Variants in SLCO3A1 observed in about 807,000 individuals in gnomAD.
The protein encoded by SLCO3A1 is solute carrier organic anion transporter family member 3A1.
In SLCO3A1, 27 loss-of-function variants were observed where a neutral mutation model predicts 63.1. The observed-to-expected ratio is 0.43, with a 90% CI of 0.32 to 0.59. The LOEUF is 0.59. Ranked by LOEUF, SLCO3A1 falls within the 20% of genes least tolerant of loss-of-function variation. The pLI is 0.09. For missense variants in SLCO3A1, 773 were observed against 945.8 expected, an observed-to-expected ratio of 0.82 and a Z score of 2.40; for synonymous variants, 473 against 409.9, an observed-to-expected ratio of 1.15 and a Z score of -1.86.
intron 2 of SLCO3A1, among the ~76,000 whole-genome samples, chr15:92,071,799 T>C (rs1178371060): frequency 6.6e-6 from 1 of 152,238 alleles, no homozygotes; most frequent in Non-Finnish European, 1.5e-5. Context: ...ATCCAAAGAC[T>C]GATCACAGGC....
chr15:92,096,270 G>T (rs2047538028), intron 3 of SLCO3A1, among the ~76,000 whole-genome samples: 1 of 152,190 alleles, frequency 6.6e-6, no homozygotes, highest in Non-Finnish European at 1.5e-5. Context: ...GTGAGAGAGA[G>T]CACCTGAGGC....
intron 2 of SLCO3A1, among the ~76,000 whole-genome samples, chr15:92,071,059 G>A (rs2047209807): frequency 6.6e-6 from 1 of 152,130 alleles, no homozygotes; most frequent in Admixed American, 6.5e-5. Flanking sequence ...AGGATTAAAG[G>A]GGCATAGCTC....
chr15:91,962,026 G>A (rs1385849133), intron 2 of SLCO3A1, among the ~76,000 whole-genome samples: 1 of 152,216 alleles, frequency 6.6e-6, no homozygotes, highest in African/African-American at 2.4e-5. Flanking sequence ...AGTCGCTGCT[G>A]AGTCAGAAGT....
rs761396691 is a variant in SLCO3A1, at chr15:91,941,222, C to T, written c.646+24764C>T. 1.7e-5 allele frequency: 3 copies of T among 175,336 alleles called. No homozygotes were observed. Among genetic ancestry groups the T allele is most frequent in the African/African-American group, 4.8e-5 (2 of 41,610 alleles). 10.9% of individuals were successfully genotyped at this position (175,336 alleles called of 1,614,324 possible). On this transcript the variant is annotated intron_variant, in intron 2 of 9. Coordinates refer to ENST00000318445, the MANE Select transcript of SLCO3A1 (RefSeq NM_013272.4). The surrounding 1 kb of genome is among the most constrained non-coding windows in gnomAD (Gnocchi z 4.4). ...AGTAGGCTTGTTTCACTGGCCTGGCCGGAAGGTTGTAGTGTTCTCCTGAGA... is the reference window on the plus strand; with the variant it reads ...AGTAGGCTTGTTTCACTGGCCTGGCTGGAAGGTTGTAGTGTTCTCCTGAGA...
intron 9 of SLCO3A1, 134 bp downstream of exon 9, chr15:92,151,148 A>T: frequency 1.5e-6 from 1 of 679,388 alleles, no homozygotes. Context: ...TAAATAAGAA[A>T]TTTTAAGTCT....
rs541271194 is a variant in SLCO3A1 at position 91,987,738 on chromosome 15, T to C, written c.646+71280T>C. Among the ~76,000 whole-genome samples the C allele has an allele frequency of 1.1e-4, 12 of 108,578 alleles. No individual in the cohort carries two copies. In the East Asian group the frequency reaches 4.0e-3, roughly 36 times the overall value. The allele number at this position is 108,578 out of a possible 152,430, so 71.2% of individuals were successfully genotyped here. The stretch of plus-strand genomic sequence containing the variant: ...CAGCCTGGGCGACAGAGCGAGACTT[T>C]GTCTAAAAAAAAAAAAAAAGATAAT... On this transcript the variant is annotated intron_variant, in intron 2 of 9. Transcript: ENST00000318445.
At chr15:92,141,399 G>C in intron 7 of SLCO3A1, among the ~76,000 whole-genome samples, 1 of 152,190 alleles carries the variant, frequency 6.6e-6, no homozygotes, top group East Asian at 1.9e-4. Context: ...CAGACCATGG[G>C]AGTCTACAGG....
intron 2 of SLCO3A1, among the ~76,000 whole-genome samples, chr15:92,067,995 A>G (rs2047171889): frequency 6.6e-6 from 1 of 152,162 alleles, no homozygotes; most frequent in African/African-American, 2.4e-5. Flanking sequence ...CACCCTATTC[A>G]TGAGGGCTTC....
Position 92,165,504 on chromosome 15 carries a change from GAA to G in SLCO3A1, c.*2378_*2379del, listed in dbSNP as rs966361000. On this transcript the variant is annotated 3_prime_UTR_variant, in exon 10 of 10. Transcript: ENST00000318445. ...TTTTATGGAACTATTTGCTTTGAGA[GAA>G]AAAAAAAAGAAAGTTTTTTAAACTC... 19 of 915,730 alleles carry G rather than the reference GAA, an allele frequency of 2.1e-5. No individual in the cohort carries two copies. The highest frequency in any genetic ancestry group is 6.4e-5 in the Admixed American group (1 of 15,712). 56.7% of individuals were successfully genotyped at this position (915,730 alleles called of 1,614,324 possible). A position where few individuals can be genotyped will look rare whatever the true frequency, so the allele number is the denominator to read the frequency against.
At position 91,972,945 on chromosome 15, in the gene SLCO3A1, G is replaced by A. The variant is rs114354734; in HGVS notation, c.646+56487G>A. 1.6e-3 allele frequency among the ~76,000 whole-genome samples: 250 copies of A among 152,278 alleles called. 1 individual carries two copies. The highest frequency in any genetic ancestry group is 5.8e-3 in the African/African-American group (239 of 41,546). On this transcript the variant is annotated intron_variant, in intron 2 of 9. Transcript: ENST00000318445. ...AGACCATCCTGGCCAATATAGTGAAGCCCCGTCTCTACTAAATATACAAAA... is the reference window on the plus strand; with the variant it reads ...AGACCATCCTGGCCAATATAGTGAAACCCCGTCTCTACTAAATATACAAAA...
At position 91,856,333 on chromosome 15, in the gene SLCO3A1, C is replaced by T. The variant is rs1293862856; in HGVS notation, c.180+2245C>T. On this transcript the variant is annotated intron_variant, in intron 1 of 9. Coordinates refer to ENST00000318445, the MANE Select transcript of SLCO3A1 (RefSeq NM_013272.4). The surrounding 1 kb of genome is among the most constrained non-coding windows in gnomAD (Gnocchi z 4.9). ...GATTACTAGGAGTGGAGGCATAAGG[C>T]TCTAAGGGCTCTGCTTTGCCCGGCT... 6.6e-6 allele frequency among the ~76,000 whole-genome samples: 1 copy of T among 152,120 alleles called. No homozygotes were observed. Among genetic ancestry groups the T allele is most frequent in the Non-Finnish European group, 1.5e-5 (1 of 68,028 alleles).
chr15:91,916,476 C>T lies in SLCO3A1; in HGVS notation c.646+18C>T. The T allele has an allele frequency of 6.4e-7, 1 of 1,555,500 alleles. No individual in the cohort carries two copies. Among genetic ancestry groups the T allele is most frequent in the Non-Finnish European group, 8.7e-7 (1 of 1,146,572 alleles). ...CTATATAGGTAGGAGCTGCCCCAGC[C>T]GTATTAGCAAGAGACCAGGGTGTGT... On this transcript the variant is annotated intron_variant, in intron 2 of 9. Coordinates refer to ENST00000318445, the MANE Select transcript of SLCO3A1 (RefSeq NM_013272.4). This position sits in a 1 kb window ranked among gnomAD's most constrained non-coding sequence, Gnocchi z 6.2.
intron 1 of SLCO3A1, chr15:91,888,995 G>A (rs1463133166): frequency 1.0e-5 from 4 of 387,642 alleles, no homozygotes; most frequent in African/African-American, 2.4e-5. Context: ...GGTAACAAGA[G>A]TGAGACTGTC....
At position 91,865,425 on chromosome 15, in the gene SLCO3A1, C is replaced by G. The variant is rs896769339; in HGVS notation, c.180+11337C>G. On this transcript the variant is annotated intron_variant, in intron 1 of 9. Coordinates refer to ENST00000318445, the MANE Select transcript of SLCO3A1 (RefSeq NM_013272.4). The surrounding 1 kb of genome is among the most constrained non-coding windows in gnomAD (Gnocchi z 4.6). ...GGTAGGCATTTCAGAAGGAAAAAAC[C>G]AGGTCTATTCATTAACTAGGGCTGC... Among the ~76,000 whole-genome samples, 1 of 152,254 alleles carries G rather than the reference C, an allele frequency of 6.6e-6. No individual in the cohort carries two copies. Among genetic ancestry groups the G allele is most frequent in the East Asian group, 1.9e-4 (1 of 5,182 alleles).
chr15:92,164,760 G>C lies in SLCO3A1; in HGVS notation c.*1625G>C. 1 of 985,388 alleles carries C rather than the reference G, an allele frequency of 1.0e-6. No homozygotes were observed. The highest frequency in any genetic ancestry group is 1.2e-6 in the Non-Finnish European group (1 of 829,942). The allele number at this position is 985,388 out of a possible 1,614,324, so 61.0% of individuals were successfully genotyped here. On this transcript the variant is annotated 3_prime_UTR_variant, in exon 10 of 10. Coordinates refer to ENST00000318445, the MANE Select transcript of SLCO3A1 (RefSeq NM_013272.4). ...TGGGTGAACCTCAGAGAATGAACCT[G>C]TTATGATTTGGGGTAAGAATCACGT...
At chr15:92,133,512 A>G (rs1261728586) in intron 7 of SLCO3A1, among the ~76,000 whole-genome samples, 1 of 145,558 alleles carries the variant, frequency 6.9e-6, no homozygotes, top group Non-Finnish European at 1.5e-5. Context: ...CTTTATCTGT[A>G]TTTATAGCCG....
intron 2 of SLCO3A1, among the ~76,000 whole-genome samples, chr15:92,005,951 G>A (rs1808234427): frequency 1.3e-5 from 2 of 152,104 alleles, no homozygotes; most frequent in African/African-American, 4.8e-5. Flanking sequence ...CTCACAGGAG[G>A]AATGGAATAG....
intron 9 of SLCO3A1, among the ~76,000 whole-genome samples, chr15:92,154,267 C>T (rs185460483): frequency 6.6e-6 from 1 of 152,334 alleles, no homozygotes; most frequent in African/African-American, 2.4e-5. Flanking sequence ...ACAGTGCCCA[C>T]TCCTAAGAAA....
chr15:92,069,386 T>C, intron 2 of SLCO3A1, among the ~76,000 whole-genome samples: 1 of 152,184 alleles, frequency 6.6e-6, no homozygotes, highest in East Asian at 1.9e-4. Context: ...AAATAAAATA[T>C]TTTATGTACA....
Sources: allele counts gnomAD v4.1 joint callset (sites outside exome capture counted in the v4.1 genomes callset), GRCh38; gene constraint gnomAD v4.1.1; non-coding constraint Gnocchi (gnomAD v3.1); transcripts MANE v1.5; gene names NCBI Gene and HGNC (gene_info 2026-07-23, HGNC 2026-07-21).